LIPJ: variants seen among roughly 807,000 people sequenced by gnomAD.
The protein encoded by LIPJ is lipase family member J.
Under a neutral mutation model 39.8 loss-of-function variants are expected in LIPJ, and 33 were observed. That is an observed-to-expected ratio of 0.83 (90% CI 0.63 to 1.11). LIPJ has a LOEUF of 1.11. Ranked by LOEUF, LIPJ falls within the 50% of genes least tolerant of loss-of-function variation. LIPJ has a pLI of 0.00. For missense variants in LIPJ, 422 were observed against 427.9 expected (o/e 0.99, Z 0.12); for synonymous variants, 128 against 139.2 (o/e 0.92, Z 0.57).
At chr10:88,605,403 T>G (rs1479151677) in intron 9 of LIPJ, among the ~76,000 whole-genome samples, 1 of 152,160 alleles carries the variant, frequency 6.6e-6, no homozygotes, top group Non-Finnish European at 1.5e-5. Flanking sequence ...CCTGGGTATA[T>G]GTACATTCAT....
chr10:88,623,033 G>T, the LIPJ span, among the ~76,000 whole-genome samples: 119,517 of 152,136 alleles, frequency 0.79, 47,487 homozygotes, highest in East Asian at 0.97. Context: ...TTTCAGATAT[G>T]GTCCATCTAC....
chr10:88,603,250 A>T (rs10887840), intron 9 of LIPJ, among the ~76,000 whole-genome samples: 1 of 151,988 alleles, frequency 6.6e-6, no homozygotes, highest in Non-Finnish European at 1.5e-5. Flanking sequence ...GACTTGCCCA[A>T]TGCTTCAAAG....
At position 88,603,835 on chromosome 10, in the gene LIPJ, AAC is replaced by A. The variant is rs1030589268; in HGVS notation, c.795+1190_795+1191del. 1.1e-4 allele frequency among the ~76,000 whole-genome samples: 17 copies of A among 152,314 alleles called. No individual in the cohort carries two copies. In the South Asian group the frequency reaches 1.2e-3, roughly 11 times the overall value. On this transcript the variant is annotated intron_variant, in intron 9 of 10. Transcript: ENST00000371939. ...AATTGATTTGATATAAATTATTGAAAACATTTATTATAACTTATATTTAGGTA... is the reference window on the plus strand; with the variant it reads ...AATTGATTTGATATAAATTATTGAAAATTTATTATAACTTATATTTAGGTA...
intron 3 of LIPJ, among the ~76,000 whole-genome samples, chr10:88,591,069 A>G (rs1285294122): frequency 6.6e-6 from 1 of 151,824 alleles, no homozygotes; most frequent in African/African-American, 2.4e-5. Flanking sequence ...TGGGTAGGTA[A>G]AAGTATGAGA....
At chr10:88,599,006 A>AATT (rs1225064466) in intron 8 of LIPJ, among the ~76,000 whole-genome samples, 7 of 144,624 alleles carry the variant, frequency 4.8e-5, no homozygotes, top group African/African-American at 1.7e-4. Context: ...ATATTATATT[A>AATT]TAATAATATA....
At chr10:88,591,294 C>T (rs895678605) in intron 3 of LIPJ, 84 bp from the exon 4 acceptor site, 6 of 1,023,434 alleles carry the variant, frequency 5.9e-6, no homozygotes, top group African/African-American at 4.9e-5. Flanking sequence ...GGTTCATTGT[C>T]ACATAATGCG....
chr10:88,602,699 T>C, intron 9 of LIPJ, 52 bp downstream of exon 9: 1 of 1,139,300 alleles, frequency 8.8e-7, no homozygotes, highest in Admixed American at 2.0e-5. Context: ...CTACTCATGG[T>C]TTACCTCATT....
chr10:88,586,751 T>C (rs982740641), upstream of LIPJ: 10 of 152,292 alleles, frequency 6.6e-5, no homozygotes, highest in Middle Eastern at 0.02. Context: ...AGAATCAAAG[T>C]TAGAATTCTC....
exon 11 of LIPJ, chr10:88,606,823 C>T (rs747321670): frequency 1.2e-6 from 2 of 1,611,798 alleles, no homozygotes; most frequent in Non-Finnish European, 1.7e-6. Flanking sequence ...TTTCTTACTA[C>T]AATCATATAG....
the LIPJ span, among the ~76,000 whole-genome samples, chr10:88,619,087 G>A: frequency 1.3e-5 from 2 of 152,118 alleles, no homozygotes; most frequent in South Asian, 2.1e-4. Flanking sequence ...ATGATAGGAA[G>A]TGCGCAGATT....
At chr10:88,594,979 T>C (rs981087498) in intron 6 of LIPJ, among the ~76,000 whole-genome samples, 1 of 151,842 alleles carries the variant, frequency 6.6e-6, no homozygotes, top group African/African-American at 2.4e-5. Context: ...GAATTGATTG[T>C]AAAGACAAGG....
chr10:88,607,919 CTT>C (rs1682620836), downstream of LIPJ, among the ~76,000 whole-genome samples: 2 of 152,214 alleles, frequency 1.3e-5, no homozygotes, highest in African/African-American at 4.8e-5. Context: ...CTTTTTGACA[CTT>C]AACATATTTT....
At chr10:88,584,433 A>G (rs918368821), upstream of LIPJ, 2 of 152,248 alleles carry the variant, frequency 1.3e-5, no homozygotes, top group East Asian at 3.8e-4. Context: ...ATTTAAAAAC[A>G]TTATTCAAAG....
At chr10:88,619,849 A>C in the LIPJ span, among the ~76,000 whole-genome samples, 1 of 152,300 alleles carries the variant, frequency 6.6e-6, no homozygotes, top group Admixed American at 6.5e-5. Context: ...TCAGGCAAAG[A>C]TTATTTAGAT....
the LIPJ span, among the ~76,000 whole-genome samples, chr10:88,614,300 C>A: frequency 6.6e-6 from 1 of 151,908 alleles, no homozygotes; most frequent in African/African-American, 2.4e-5. Flanking sequence ...GGGAGAAAGT[C>A]TGAGGTATAG....
rs149943388 is a variant in LIPJ at position 88,605,939 on chromosome 10, C to G, written c.867+235C>G. Among the ~76,000 whole-genome samples, 292 of 152,186 alleles carry G rather than the reference C, an allele frequency of 1.9e-3. 2 individuals are homozygous for G. The highest frequency in any genetic ancestry group is 6.8e-3 in the African/African-American group (281 of 41,530). ...GGATAAGTCCAGAAAAATTGACAGG[C>G]AGTAGAAGAAGTTATTATCTCTCAA... On this transcript the variant is annotated intron_variant, in intron 10 of 10. Coordinates refer to ENST00000371939, the Ensembl canonical transcript of LIPJ.
chr10:88,595,131 A>T (rs1980813), intron 6 of LIPJ, among the ~76,000 whole-genome samples: 123,431 of 151,712 alleles, frequency 0.81, 50,990 homozygotes, highest in East Asian at 0.99. Flanking sequence ...AGCATAGGAT[A>T]TTATGAGTGG....
the LIPJ span, among the ~76,000 whole-genome samples, chr10:88,622,709 G>A: frequency 3.3e-5 from 5 of 152,078 alleles, no homozygotes; most frequent in Non-Finnish European, 7.4e-5. Flanking sequence ...AATCAGAGAG[G>A]GAACTAGAGG....
At chr10:88,615,645 A>T in the LIPJ span, among the ~76,000 whole-genome samples, 4 of 150,712 alleles carry the variant, frequency 2.7e-5, no homozygotes, top group Non-Finnish European at 5.9e-5. Flanking sequence ...AAAAAAAAAA[A>T]AAAAAACAGA....
Sources: allele counts gnomAD v4.1 joint callset (sites outside exome capture counted in the v4.1 genomes callset), GRCh38; gene constraint gnomAD v4.1.1; transcripts MANE v1.5; gene names NCBI Gene and HGNC (gene_info 2026-07-23, HGNC 2026-07-21).